PBX1: variants seen among roughly 807,000 people sequenced by gnomAD.
The protein encoded by PBX1 is PBX homeobox 1, also known as pre-B-cell leukemia transcription factor 1.
PBX1 carries 6 observed loss-of-function variants against 53.4 expected under a neutral mutation model. The ratio of observed to expected loss-of-function variants is 0.11; its 90% CI spans 0.06 to 0.22. The LOEUF (loss-of-function observed/expected upper bound fraction) is 0.22. PBX1 is among the 10% of genes least tolerant of loss of function. The pLI, the probability that PBX1 is intolerant of heterozygous loss-of-function variation, is 1.00. For missense variants in PBX1, 251 were observed against 551.4 expected (o/e 0.46, Z 5.46); for synonymous variants, 204 against 212.3 (o/e 0.96, Z 0.34).
At chr1:164,811,381 T>C (rs1669603815) in intron 5 of PBX1, among the ~76,000 whole-genome samples, 1 of 152,248 alleles carries the variant, frequency 6.6e-6, no homozygotes, top group African/African-American at 2.4e-5. Flanking sequence ...GATAATCATT[T>C]GTATGCTACA....
chr1:164,817,210 T>C (rs1009970317), intron 6 of PBX1: 1 of 152,210 alleles, frequency 6.6e-6, no homozygotes, highest in Non-Finnish European at 1.5e-5. Context: ...AATGATCTTC[T>C]CAGCAAGCCA....
At chr1:164,596,848 ATGT>A (rs1401986637) in intron 2 of PBX1, among the ~76,000 whole-genome samples, 1 of 150,796 alleles carries the variant, frequency 6.6e-6, no homozygotes, top group African/African-American at 2.4e-5. Flanking sequence ...TTTACTTCTT[ATGT>A]TGTTCAGTGT....
At chr1:164,845,977 T>C (rs1671551810) in intron 8 of PBX1, among the ~76,000 whole-genome samples, 1 of 152,200 alleles carries the variant, frequency 6.6e-6, no homozygotes, top group Non-Finnish European at 1.5e-5. Flanking sequence ...GACTCTACCA[T>C]TTATTAGGTT....
intron 2 of PBX1, among the ~76,000 whole-genome samples, chr1:164,724,978 G>A (rs1286303532): frequency 1.3e-5 from 2 of 151,978 alleles, no homozygotes; most frequent in Non-Finnish European, 2.9e-5. Flanking sequence ...CTATACAGGT[G>A]GGTCCTTTTT....
At chr1:164,640,419 GACT>G (rs1004023844) in intron 2 of PBX1, among the ~76,000 whole-genome samples, 1 of 152,034 alleles carries the variant, frequency 6.6e-6, no homozygotes, top group Non-Finnish European at 1.5e-5. Context: ...TACTTATCTG[GACT>G]ACTGCATAAG....
intron 2 of PBX1, among the ~76,000 whole-genome samples, chr1:164,695,613 A>T (rs1274951077): frequency 6.6e-6 from 1 of 152,164 alleles, no homozygotes; most frequent in East Asian, 1.9e-4. Flanking sequence ...AGCTTATAAT[A>T]ATTACATGGT....
At chr1:164,617,900 T>C (rs1053756476) in intron 2 of PBX1, among the ~76,000 whole-genome samples, 4 of 152,128 alleles carry the variant, frequency 2.6e-5, no homozygotes, top group Non-Finnish European at 5.9e-5. Context: ...TGTCCCATTT[T>C]CTTTTTTTTG....
At chr1:164,691,525 A>G (rs768614460) in intron 2 of PBX1, among the ~76,000 whole-genome samples, 14 of 152,160 alleles carry the variant, frequency 9.2e-5, no homozygotes, top group South Asian at 4.1e-4. Flanking sequence ...TTGCCAAGCA[A>G]GAACTTATAG....
chr1:164,592,497 A>G (rs1355736077), intron 2 of PBX1, among the ~76,000 whole-genome samples: 4 of 152,232 alleles, frequency 2.6e-5, no homozygotes, highest in African/African-American at 7.2e-5. Context: ...AGTTGAGGCC[A>G]CAGTTGTGAT....
At chr1:164,809,009 C>T (rs2102339376) in intron 5 of PBX1, among the ~76,000 whole-genome samples, 1 of 152,186 alleles carries the variant, frequency 6.6e-6, no homozygotes, top group Non-Finnish European at 1.5e-5. Flanking sequence ...AATCTAAACC[C>T]CTTTTCCACA....
intron 2 of PBX1, among the ~76,000 whole-genome samples, chr1:164,864,322 T>C (rs1334351487): frequency 6.6e-6 from 1 of 152,068 alleles, no homozygotes; most frequent in African/African-American, 2.4e-5. Context: ...TCTTGGAGAG[T>C]TGTTTCTCCT....
At chr1:164,881,520 T>C (rs1292354505) in intron 2 of PBX1, among the ~76,000 whole-genome samples, 1 of 145,462 alleles carries the variant, frequency 6.9e-6, no homozygotes, top group African/African-American at 2.6e-5. Flanking sequence ...CCAGTTGATA[T>C]TTGTAAGAGT....
At chr1:164,577,359 TC>T (rs1420878220) in intron 2 of PBX1, among the ~76,000 whole-genome samples, 1 of 152,178 alleles carries the variant, frequency 6.6e-6, no homozygotes, top group African/African-American at 2.4e-5. Context: ...TTGTCTTGTC[TC>T]AGAGGAATGT....
intron 2 of PBX1, among the ~76,000 whole-genome samples, chr1:164,880,191 C>T (rs1018802652): frequency 1.3e-5 from 2 of 152,122 alleles, no homozygotes; most frequent in South Asian, 2.1e-4. Context: ...TGTATTATTC[C>T]GTCAACAAGC....
chr1:164,793,872 C>CTTTTTTTTTTTTTTTTTTTTCT (rs72414989), intron 3 of PBX1, among the ~76,000 whole-genome samples: 2 of 78,218 alleles, frequency 2.6e-5, no homozygotes, highest in Non-Finnish European at 5.0e-5. Context: ...TTTTTCCTTT[C>CTTTTTTTTTTTTTTTTTTTTCT]TTTTTTTTTT....
chr1:164,809,630 C>T (rs1669511862), intron 5 of PBX1, among the ~76,000 whole-genome samples: 1 of 152,138 alleles, frequency 6.6e-6, no homozygotes, highest in Non-Finnish European at 1.5e-5. Context: ...AATCTTTCTC[C>T]TAATTCCCAA....
intron 2 of PBX1, among the ~76,000 whole-genome samples, chr1:164,862,467 T>G (rs1672123067): frequency 6.6e-6 from 1 of 152,194 alleles, no homozygotes; most frequent in African/African-American, 2.4e-5. Context: ...CACTTTTATG[T>G]CAGCTTAGTT....
At chr1:164,581,942 A>T (rs1236493161) in intron 2 of PBX1, among the ~76,000 whole-genome samples, 1 of 152,174 alleles carries the variant, frequency 6.6e-6, no homozygotes, top group Non-Finnish European at 1.5e-5. Flanking sequence ...TACTCAGGGA[A>T]CATATTTATC....
chr1:164,633,346 C>T (rs1658535417), intron 2 of PBX1, among the ~76,000 whole-genome samples: 1 of 152,110 alleles, frequency 6.6e-6, no homozygotes, highest in Non-Finnish European at 1.5e-5. Flanking sequence ...GATGGGGTTT[C>T]ACCATGTTGG....
Sources: gnomAD v4.1 joint callset for allele counts (sites outside exome capture counted in the v4.1 genomes callset) on GRCh38, gnomAD v4.1.1 for gene constraint, MANE v1.5 for transcripts, NCBI Gene and HGNC (gene_info 2026-07-23, HGNC 2026-07-21) for gene names.